EDIL3: variants seen among roughly 807,000 people sequenced by gnomAD.
The protein encoded by EDIL3 is EGF like and discoidin domains 3.
Under a neutral mutation model 67.4 loss-of-function variants are expected in EDIL3, and 37 were observed. That is an observed-to-expected ratio of 0.55 (90% CI 0.42 to 0.72). The LOEUF (loss-of-function observed/expected upper bound fraction) is 0.72, where lower values mean the gene tolerates loss of function less well. Among genes scored for constraint, EDIL3 ranks in the 30% least tolerant of loss-of-function variants. The probability of loss-of-function intolerance (pLI) is 0.00; values close to 1 mark genes in which losing one functional copy is unlikely to be tolerated. For synonymous variants in EDIL3, 195 were observed against 196.3 expected, an observed-to-expected ratio of 0.99 and a Z score of 0.05; for missense variants, 527 against 586.3, an observed-to-expected ratio of 0.90 and a Z score of 1.04.
intron 3 of EDIL3, among the ~76,000 whole-genome samples, chr5:84,206,771 T>A (rs891228143): frequency 9.9e-5 from 15 of 151,970 alleles, no homozygotes; most frequent in Admixed American, 9.8e-4. Context: ...TAATCCAGCA[T>A]ATAAACAGAA....
intron 10 of EDIL3, among the ~76,000 whole-genome samples, chr5:83,952,807 T>C (rs1744444529): frequency 6.6e-6 from 1 of 151,866 alleles, no homozygotes; most frequent in Non-Finnish European, 1.5e-5. Flanking sequence ...ATTTGGTAAT[T>C]CTTCCCGCAT....
chr5:84,121,055 T>C (rs916243052), intron 5 of EDIL3, among the ~76,000 whole-genome samples: 2 of 152,022 alleles, frequency 1.3e-5, no homozygotes, highest in Non-Finnish European at 2.9e-5. Flanking sequence ...TAGAATTATA[T>C]TGTGCTATTG....
At chr5:84,144,329 C>T (rs1184859347) in intron 4 of EDIL3, among the ~76,000 whole-genome samples, 2 of 147,164 alleles carry the variant, frequency 1.4e-5, no homozygotes, top group Admixed American at 7.0e-5. Context: ...ATCCATCCAT[C>T]CTTAGTTCTA....
chr5:84,127,381 A>C (rs916454458), intron 5 of EDIL3, among the ~76,000 whole-genome samples: 8 of 152,164 alleles, frequency 5.3e-5, no homozygotes, highest in African/African-American at 1.9e-4. Context: ...TATTGACCAG[A>C]TAAAGCTATT....
At chr5:84,317,296 C>T (rs1746533417) in intron 1 of EDIL3, among the ~76,000 whole-genome samples, 1 of 152,012 alleles carries the variant, frequency 6.6e-6, no homozygotes, top group African/African-American at 2.4e-5. Flanking sequence ...CACAAAAAAC[C>T]CTTCAACAAA....
chr5:84,091,845 G>C (rs1747171999), intron 6 of EDIL3, among the ~76,000 whole-genome samples: 1 of 152,186 alleles, frequency 6.6e-6, no homozygotes, highest in Non-Finnish European at 1.5e-5. Context: ...TGTTACATTA[G>C]AGGCAATATG....
chr5:84,361,384 T>C (rs1239179959), intron 1 of EDIL3, among the ~76,000 whole-genome samples: 1 of 152,030 alleles, frequency 6.6e-6, no homozygotes, highest in Non-Finnish European at 1.5e-5. Context: ...AATAAAAATC[T>C]GGGAATAACT....
At chr5:84,158,577 A>T (rs1748535744) in intron 4 of EDIL3, among the ~76,000 whole-genome samples, 1 of 152,056 alleles carries the variant, frequency 6.6e-6, no homozygotes, top group Non-Finnish European at 1.5e-5. Flanking sequence ...ATACATTCAT[A>T]TTCCTCAGTT....
intron 1 of EDIL3, among the ~76,000 whole-genome samples, chr5:84,343,579 T>C (rs563568256): frequency 2.0e-5 from 3 of 152,232 alleles, no homozygotes; most frequent in African/African-American, 4.8e-5. Flanking sequence ...ATGAGTGATA[T>C]AATATCTCCA....
intron 3 of EDIL3, among the ~76,000 whole-genome samples, chr5:84,205,956 T>A (rs1743968963): frequency 6.6e-6 from 1 of 151,964 alleles, no homozygotes; most frequent in Admixed American, 6.6e-5. Context: ...TTCTGCTAGC[T>A]TTTGAATGTG....
intron 4 of EDIL3, among the ~76,000 whole-genome samples, chr5:84,176,921 A>T (rs909424551): frequency 2.6e-5 from 4 of 152,144 alleles, no homozygotes; most frequent in Non-Finnish European, 5.9e-5. Context: ...AAGGACATCT[A>T]ATAGCTGAAA....
In EDIL3 at chr5:84,384,730, CG is replaced by C. The variant is rs1748195475; in HGVS notation, c.-357del. ...CTGCTGCGCGGGCAGGCAGACCCACCGGCAGACAGGCGGACCGGGCGCTCGG... is the reference window on the plus strand; with the variant it reads ...CTGCTGCGCGGGCAGGCAGACCCACCGCAGACAGGCGGACCGGGCGCTCGG... On this transcript the variant is annotated 5_prime_UTR_variant, in exon 1 of 11. Transcript: ENST00000296591. 1.9e-5 allele frequency: 3 copies of C among 156,976 alleles called. No individual in the cohort carries two copies. The highest frequency in any genetic ancestry group is 7.2e-5 in the African/African-American group (3 of 41,604). 9.7% of individuals were successfully genotyped at this position (156,976 alleles called of 1,614,324 possible).
chr5:84,123,723 T>C (rs879460268), intron 5 of EDIL3, among the ~76,000 whole-genome samples: 1 of 151,896 alleles, frequency 6.6e-6, no homozygotes, highest in Non-Finnish European at 1.5e-5. Flanking sequence ...AAAAACATCA[T>C]TTCAATGAGT....
intron 6 of EDIL3, among the ~76,000 whole-genome samples, chr5:84,099,933 C>T (rs939580358): frequency 6.6e-6 from 1 of 151,994 alleles, no homozygotes; most frequent in African/African-American, 2.4e-5. Flanking sequence ...ACAGACACTT[C>T]TCAGAAGAAG....
At chr5:84,299,287 G>A (rs890293359) in intron 1 of EDIL3, among the ~76,000 whole-genome samples, 1 of 152,164 alleles carries the variant, frequency 6.6e-6, no homozygotes, top group Non-Finnish European at 1.5e-5. Flanking sequence ...GGAACTGGAA[G>A]TACCTAAAGA....
intron 9 of EDIL3, among the ~76,000 whole-genome samples, chr5:84,001,776 A>G (rs1160629857): frequency 6.6e-6 from 1 of 152,120 alleles, no homozygotes; most frequent in Non-Finnish European, 1.5e-5. Context: ...TAATAAAAAA[A>G]TCTCCCATCA....
intron 9 of EDIL3, among the ~76,000 whole-genome samples, chr5:84,056,020 T>C (rs527988942): frequency 6.6e-6 from 1 of 152,196 alleles, no homozygotes; most frequent in Admixed American, 6.5e-5. Flanking sequence ...CGTATGTTTA[T>C]TGCAGCACTC....
chr5:84,132,381 A>AATATATATTTTAACATATATT (rs1353599320), intron 5 of EDIL3, among the ~76,000 whole-genome samples: 1 of 15,166 alleles, frequency 6.6e-5, no homozygotes, highest in Non-Finnish European at 1.3e-4. Flanking sequence ...TATTATATAT[A>AATATATATTTTAACATATATT]ATATATTTTA....
chr5:83,994,290 G>T (rs1466927763), intron 9 of EDIL3, among the ~76,000 whole-genome samples: 2 of 151,872 alleles, frequency 1.3e-5, no homozygotes, highest in African/African-American at 2.4e-5. Flanking sequence ...AAGTTAAATA[G>T]AAGAGATTTT....
Sources: gnomAD v4.1 joint callset for allele counts (sites outside exome capture counted in the v4.1 genomes callset) on GRCh38, gnomAD v4.1.1 for gene constraint, MANE v1.5 for transcripts, NCBI Gene and HGNC (gene_info 2026-07-23, HGNC 2026-07-21) for gene names.